ANO1: variants seen among roughly 807,000 people sequenced by gnomAD.
ANO1 encodes anoctamin 1, also known as anoctamin-1.
A neutral mutation model predicts 124.0 loss-of-function variants in ANO1; 59 were observed. That is an observed-to-expected ratio of 0.48 (90% CI 0.39 to 0.59). The LOEUF (loss-of-function observed/expected upper bound fraction) is 0.59. Among genes scored for constraint, ANO1 ranks in the 20% least tolerant of loss-of-function variants. The pLI is 0.00. For missense variants in ANO1, 1,059 were observed against 1,328.0 expected, an observed-to-expected ratio of 0.80 and a Z score of 3.15; for synonymous variants, 529 against 532.0, an observed-to-expected ratio of 0.99 and a Z score of 0.08.
rs71046578 is a variant in ANO1 at position 70,095,248 on chromosome 11, A to AAAGGAAGG, written c.441+7211_441+7218dup. Among the ~76,000 whole-genome samples, 87 of 36,982 alleles carry AAAGGAAGG rather than the reference A, an allele frequency of 2.4e-3. 3 individuals are homozygous for AAAGGAAGG. Among genetic ancestry groups the AAAGGAAGG allele is most frequent in the Admixed American group, 3.8e-3 (12 of 3,132 alleles). 24.3% of individuals were successfully genotyped at this position (36,982 alleles called of 152,430 possible). A position where few individuals can be genotyped will look rare whatever the true frequency, so the allele number is the denominator to read the frequency against. On this transcript the variant is annotated intron_variant, in intron 2 of 25. Coordinates refer to ENST00000355303, the MANE Select transcript of ANO1 (RefSeq NM_018043.7). ...AGAGAGAGAGGAAAGAAAGAAAAAG[A>AAAGGAAGG]AAGGAAGGAAGGAAGGAAGGAAGGA...
chr11:70,156,122 G>A lies in ANO1; in HGVS notation c.1503+134G>A, dbSNP rs976359207. The A allele has an allele frequency of 1.6e-5, 15 of 965,728 alleles. No individual in the cohort carries two copies. In the South Asian group the frequency reaches 1.6e-4, roughly 10 times the overall value. The allele number at this position is 965,728 out of a possible 1,614,324, so 59.8% of individuals were successfully genotyped here. Reference sequence around the variant, plus strand: ...CATCCGTGTTTCTCTGTCTTCCTTCGGCACCCAGTGAGCCCAGCATGTTGC... The same window carrying A: ...CATCCGTGTTTCTCTGTCTTCCTTCAGCACCCAGTGAGCCCAGCATGTTGC... On this transcript the variant is annotated intron_variant, in intron 15 of 25. Transcript: ENST00000355303.
chr11:70,098,995 G>A (rs1482375625), intron 2 of ANO1, among the ~76,000 whole-genome samples: 1 of 152,188 alleles, frequency 6.6e-6, no homozygotes, highest in Non-Finnish European at 1.5e-5. Context: ...ACTGCACTAA[G>A]GTCAGCATCT....
intron 1 of ANO1, among the ~76,000 whole-genome samples, chr11:70,032,698 G>C (rs1423566560): frequency 6.6e-6 from 1 of 152,146 alleles, no homozygotes; most frequent in Non-Finnish European, 1.5e-5. Context: ...ACAGCTCCAG[G>C]GTCCTTGCGC....
chr11:70,099,439 C>T (rs1010930046), intron 2 of ANO1, among the ~76,000 whole-genome samples: 2 of 152,178 alleles, frequency 1.3e-5, no homozygotes, highest in African/African-American at 4.8e-5. Flanking sequence ...TGCAGAAATC[C>T]TCATGGACTC....
chr11:70,159,751 C>T (rs909568626), intron 16 of ANO1, among the ~76,000 whole-genome samples: 1 of 152,222 alleles, frequency 6.6e-6, no homozygotes, highest in African/African-American at 2.4e-5. Flanking sequence ...GCCTGGCGCT[C>T]CAGCTGCACC....
intron 22 of ANO1, among the ~76,000 whole-genome samples, chr11:70,172,299 G>C (rs1448870151): frequency 6.6e-6 from 1 of 152,020 alleles, no homozygotes; most frequent in Non-Finnish European, 1.5e-5. Flanking sequence ...CCCCACGCAG[G>C]CTTCCACCGG....
Position 70,105,762 on chromosome 11 carries a change from T to A in ANO1, c.721T>A (p.Phe241Ile), listed in dbSNP as rs775440949. 6.2e-7 allele frequency: 1 copy of A among 1,613,630 alleles called. No homozygotes were observed. The highest frequency in any genetic ancestry group is 1.3e-5 in the African/African-American group (1 of 74,914). ...LFDLSDKDSF[F>I]DSKTRSTIVY... is the part of the protein sequence containing the mutation. ...TGACTTGTCTGATAAGGATTCCTTTTTCGACAGCAAAACCCGGAGCACGAT... is the reference window on the plus strand; with the variant it reads ...TGACTTGTCTGATAAGGATTCCTTTATCGACAGCAAAACCCGGAGCACGAT... Residue 241 changes from phenylalanine (F) to isoleucine (I), a missense_variant, in exon 5 of 26, where the codon TTC becomes ATC. Physicochemically the swap from Phe to Ile is conservative, Grantham distance 21. Around this residue, in one of 2 missense-constraint regions of ANO1, gnomAD observed 809 missense variants for 1,094.9 expected, o/e 0.74. Coordinates refer to ENST00000355303, the MANE Select transcript of ANO1 (RefSeq NM_018043.7).
chr11:70,104,594 C>T (rs899863148), intron 4 of ANO1, among the ~76,000 whole-genome samples: 12 of 152,312 alleles, frequency 7.9e-5, no homozygotes, highest in South Asian at 2.1e-4. Context: ...AGGGACTCAC[C>T]GCCAGCTGGC....
intron 17 of ANO1, 69 bp downstream of exon 17, chr11:70,161,431 C>T (rs12800044): frequency 0.015 from 23,138 of 1,541,096 alleles, 249 homozygotes; most frequent in Non-Finnish European, 0.019. Context: ...TCTTGCTGTG[C>T]ATCCTTGAGT....
At chr11:70,102,985 T>C in intron 2 of ANO1, 81 bp from the exon 3 acceptor site, 1 of 951,758 alleles carries the variant, frequency 1.1e-6, no homozygotes, top group Admixed American at 2.4e-5. Flanking sequence ...CGATAAATTG[T>C]GGTGGCCTCT....
chr11:70,018,765 C>T (rs1469608819), intron 1 of ANO1, among the ~76,000 whole-genome samples: 2 of 152,232 alleles, frequency 1.3e-5, no homozygotes, highest in African/African-American at 4.8e-5. Context: ...AAACCTGGGC[C>T]TCAGGCTGAA....
At chr11:69,980,481 C>T in the ANO1 span, among the ~76,000 whole-genome samples, 8 of 151,412 alleles carry the variant, frequency 5.3e-5, no homozygotes, top group Admixed American at 3.9e-4. Flanking sequence ...ATTAGCCGGG[C>T]GTGGTGGTGG....
the ANO1 span, among the ~76,000 whole-genome samples, chr11:69,977,216 T>C: frequency 4.6e-5 from 7 of 152,234 alleles, no homozygotes; most frequent in African/African-American, 1.7e-4. Context: ...CTGGCTTGCG[T>C]GACCCTAGCG....
chr11:70,019,332 G>GCA (rs113715758), intron 1 of ANO1, among the ~76,000 whole-genome samples: 1 of 146,848 alleles, frequency 6.8e-6, no homozygotes, highest in Non-Finnish European at 1.5e-5. Context: ...ACACACGCAC[G>GCA]CACACACACA....
At chr11:70,036,485 T>C (rs183946084) in intron 1 of ANO1, among the ~76,000 whole-genome samples, 1 of 152,120 alleles carries the variant, frequency 6.6e-6, no homozygotes, top group Non-Finnish European at 1.5e-5. Context: ...AGCCCACTGG[T>C]AAGGAAGGCC....
chr11:70,103,223 C>T, intron 3 of ANO1, 59 bp downstream of exon 3: 3 of 1,373,554 alleles, frequency 2.2e-6, no homozygotes, highest in South Asian at 2.6e-5. Context: ...CACTTGGACG[C>T]CTGGCAGTGA....
At chr11:70,041,284 A>T (rs1404730443) in intron 1 of ANO1, among the ~76,000 whole-genome samples, 2 of 152,166 alleles carry the variant, frequency 1.3e-5, no homozygotes, top group Non-Finnish European at 2.9e-5. Flanking sequence ...TTTTCTGTGA[A>T]CCTTGACCCC....
At chr11:69,985,906 C>G (rs1289242443), upstream of ANO1, 3 of 152,230 alleles carry the variant, frequency 2.0e-5, no homozygotes, top group Non-Finnish European at 4.4e-5. Context: ...GCGGCGCGGC[C>G]GTGAGCGAGG....
intron 1 of ANO1, among the ~76,000 whole-genome samples, chr11:70,069,413 T>C (rs1382158593): frequency 1.3e-5 from 2 of 151,998 alleles, no homozygotes; most frequent in African/African-American, 4.8e-5. Flanking sequence ...GGAGTGAAAA[T>C]TGACGAATAA....
Sources: gnomAD v4.1 joint callset for allele counts (sites outside exome capture counted in the v4.1 genomes callset) on GRCh38, gnomAD v4.1.1 for gene constraint, gnomAD v4.1.1 regional missense constraint, MANE v1.5 for transcripts, NCBI Gene and HGNC (gene_info 2026-07-23, HGNC 2026-07-21) for gene names.